IFT20: variants seen among roughly 807,000 people sequenced by gnomAD.
IFT20 encodes intraflagellar transport 20, also known as intraflagellar transport protein 20 homolog.
In IFT20, 4 loss-of-function variants were observed where a neutral mutation model predicts 16.9. That is an observed-to-expected ratio of 0.24 (90% CI 0.12 to 0.54). IFT20 has a LOEUF of 0.54. IFT20 is among the 20% of genes least tolerant of loss of function. The probability of loss-of-function intolerance (pLI) is 0.95; values close to 1 mark genes in which losing one functional copy is unlikely to be tolerated. For synonymous variants in IFT20, 48 were observed against 49.9 expected (o/e 0.96, Z 0.16); for missense variants, 154 against 149.7 (o/e 1.03, Z -0.15).
intron 3 of IFT20, chr17:28,330,024 CACTCCAGCCTGGGCAACGAGAGAAA>C (rs1906638224): frequency 2.0e-6 from 1 of 492,264 alleles, no homozygotes. Flanking sequence ...CGCACCATTG[CACTCCAGCCTGGGCAACGAGAGAAA>C]ACTCCGTCTC....
chr17:28,332,221 T>C, intron 1 of IFT20: 1 of 1,536,114 alleles, frequency 6.5e-7, no homozygotes, highest in Non-Finnish European at 8.7e-7. Context: ...AGGTGTGTCA[T>C]AGGAGCAAGG....
At chr17:28,333,585 A>G (rs1375449698) in intron 1 of IFT20, among the ~76,000 whole-genome samples, 3 of 152,240 alleles carry the variant, frequency 2.0e-5, no homozygotes, top group Non-Finnish European at 4.4e-5. Flanking sequence ...GTGAGCTAGC[A>G]TCATCCTTTT....
In IFT20 at chr17:28,330,248, AAAAT is replaced by A. The variant is rs782818796; in HGVS notation, c.213+191_213+194del. On this transcript the variant is annotated intron_variant, in intron 3 of 4. Transcript: ENST00000395418. ...AAGACTCTGTCTCAAAAAAAAAAAA[AAAAT>A]AAAGATTAAAGGAAATAAAGATTGG... 959 of 617,558 alleles carry A rather than the reference AAAAT, an allele frequency of 1.6e-3. 5 individuals are homozygous for A. The African/African-American group carries it at 0.016, about 11-fold the overall frequency. The allele number at this position is 617,558 out of a possible 1,614,324, so 38.3% of individuals were successfully genotyped here.
intron 3 of IFT20, 21 bp downstream of exon 3, chr17:28,330,422 C>T (rs557207176): frequency 5.5e-5 from 87 of 1,568,248 alleles, no homozygotes; most frequent in Non-Finnish European, 6.7e-5. Context: ...AAGATGTAGG[C>T]GGAAGACATG....
Position 28,331,849 on chromosome 17 carries a change from C to T in IFT20, c.127+10G>A, listed in dbSNP as rs1555576581. On this transcript the variant is annotated intron_variant, in intron 2 of 4. Coordinates refer to ENST00000395418, the MANE Select transcript of IFT20 (RefSeq NM_001267776.2). ...AAAGCTGAGTGGCACTGTATCTCCCCAATACTCACTGTCCACAAAGTCTTT... is the reference window on the plus strand; with the variant it reads ...AAAGCTGAGTGGCACTGTATCTCCCTAATACTCACTGTCCACAAAGTCTTT... 13 of 1,614,168 alleles carry T rather than the reference C, an allele frequency of 8.1e-6. No homozygotes were observed. The highest frequency in any genetic ancestry group is 3.3e-5 in the Admixed American group (2 of 60,032).
Position 28,335,351 on chromosome 17 carries a change from G to C in IFT20, c.-14C>G, listed in dbSNP as rs980396453. On this transcript the variant is annotated 5_prime_UTR_variant, in exon 1 of 5. Coordinates refer to ENST00000395418, the MANE Select transcript of IFT20 (RefSeq NM_001267776.2). ...CGAGGTCAGCCTACCTGCCGGCCCC[G>C]CGGCGGCAGCGCGCTGCAGCCCAGG... 2 of 152,258 alleles carry C rather than the reference G, an allele frequency of 1.3e-5. No individual in the cohort carries two copies. The highest frequency in any genetic ancestry group is 1.3e-4 in the Admixed American group (2 of 15,280). 9.4% of individuals were successfully genotyped at this position (152,258 alleles called of 1,614,324 possible).
In IFT20 at chr17:28,331,775, A is replaced by G; in HGVS notation, c.127+84T>C. ...CAACCTCCAGGGAGCCAGCAGCTCC[A>G]CTGTGGCAGGGCCAAGATGAGCCTG... is the stretch of plus-strand genomic sequence containing the variant. On this transcript the variant is annotated intron_variant, in intron 2 of 4. Transcript: ENST00000395418. 1.3e-5 allele frequency: 21 copies of G among 1,560,414 alleles called. No homozygotes were observed. The South Asian group carries it at 2.3e-4, about 17-fold the overall frequency.
intron 3 of IFT20, chr17:28,330,059 C>CAAAA: frequency 9.9e-6 from 4 of 402,882 alleles, no homozygotes; most frequent in South Asian, 3.8e-5. Context: ...AACTCCGTCT[C>CAAAA]AAAAAAAAAA....
intron 3 of IFT20, chr17:28,329,796 T>C (rs949226393): frequency 2.8e-5 from 5 of 179,832 alleles, no homozygotes; most frequent in Non-Finnish European, 5.8e-5. Flanking sequence ...GCGCAGTCAC[T>C]CACGCCTTAA....
intron 2 of IFT20, among the ~76,000 whole-genome samples, chr17:28,330,900 T>C (rs1361892640): frequency 6.6e-6 from 1 of 152,120 alleles, no homozygotes; most frequent in African/African-American, 2.4e-5. Flanking sequence ...GGACCTTGCA[T>C]CCCCACTGAG....
rs778167334 is a variant in IFT20 at position 28,328,399 on chromosome 17, A to G, written c.*253T>C. 3 of 377,468 alleles carry G rather than the reference A, an allele frequency of 7.9e-6. No homozygotes were observed. The highest frequency in any genetic ancestry group is 1.4e-5 in the Non-Finnish European group (3 of 211,336). The allele number at this position is 377,468 out of a possible 1,614,324, so 23.4% of individuals were successfully genotyped here. A position where few individuals can be genotyped will look rare whatever the true frequency, so the allele number is the denominator to read the frequency against. On this transcript the variant is annotated 3_prime_UTR_variant, in exon 5 of 5. Coordinates refer to ENST00000395418, the MANE Select transcript of IFT20 (RefSeq NM_001267776.2). ...TTTACAAAAAAAAGGATGAAAGTTT[A>G]CAAACTGCTTAGTTCCAACTAAGCA...
rs1222422104 is a variant in IFT20 at position 28,335,427 on chromosome 17, CA to C, written c.-91del. 1 of 152,380 alleles carries C rather than the reference CA, an allele frequency of 6.6e-6. No individual in the cohort carries two copies. The highest frequency in any genetic ancestry group is 1.5e-5 in the Non-Finnish European group (1 of 68,144). 9.4% of individuals were successfully genotyped at this position (152,380 alleles called of 1,614,324 possible). On this transcript the variant is annotated 5_prime_UTR_variant, in exon 1 of 5. Coordinates refer to ENST00000395418, the MANE Select transcript of IFT20 (RefSeq NM_001267776.2). The stretch of plus-strand genomic sequence containing the variant: ...GGGTCAGCGACAGCCGGTACCCAGC[CA>C]GCCTGCCACGGCCGCTGCCACGGAT...
intron 1 of IFT20, 124 bp from the exon 2 acceptor site, chr17:28,332,111 C>T (rs781862285): frequency 1.9e-6 from 3 of 1,586,834 alleles, no homozygotes; most frequent in African/African-American, 1.3e-5. Context: ...CCAAAGGATC[C>T]CCGTTCCCTC....
chr17:28,332,743 G>T (rs1555576784), intron 1 of IFT20: 1 of 155,602 alleles, frequency 6.4e-6, no homozygotes, highest in East Asian at 1.9e-4. Flanking sequence ...AACACAAAAA[G>T]GAATGAAGTA....
At position 28,328,569 on chromosome 17, in the gene IFT20, C is replaced by T. The variant is rs529560028; in HGVS notation, c.*83G>A. ...TTGTGACATAGGTCATTGGTCAAGC[C>T]GCTGGAATGCTACAGAGGTTTTTTT... On this transcript the variant is annotated 3_prime_UTR_variant, in exon 5 of 5. Coordinates refer to ENST00000395418, the MANE Select transcript of IFT20 (RefSeq NM_001267776.2). 10 of 833,458 alleles carry T rather than the reference C, an allele frequency of 1.2e-5. No homozygotes were observed. Among genetic ancestry groups the T allele is most frequent in the African/African-American group, 6.9e-5 (4 of 57,936 alleles). The allele number at this position is 833,458 out of a possible 1,614,324, so 51.6% of individuals were successfully genotyped here. A position where few individuals can be genotyped will look rare whatever the true frequency, so the allele number is the denominator to read the frequency against.
chr17:28,328,964 C>G, intron 4 of IFT20: 2 of 616,704 alleles, frequency 3.2e-6, no homozygotes, highest in Non-Finnish European at 5.7e-6. Context: ...CATGCTCAAA[C>G]TACTAGAGGT....
At position 28,328,552 on chromosome 17, in the gene IFT20, T is replaced by C. The variant is rs187102473; in HGVS notation, c.*100A>G. 4.0e-5 allele frequency: 30 copies of C among 742,060 alleles called. No individual in the cohort carries two copies. The highest frequency in any genetic ancestry group is 2.4e-4 in the Middle Eastern group (1 of 4,136). The allele number at this position is 742,060 out of a possible 1,614,324, so 46.0% of individuals were successfully genotyped here. ...TCCTTACACGCCACCTCTTGTGACA[T>C]AGGTCATTGGTCAAGCCGCTGGAAT... On this transcript the variant is annotated 3_prime_UTR_variant, in exon 5 of 5. Transcript: ENST00000395418.
rs1555576369 is a variant in IFT20 at position 28,330,460 on chromosome 17, C to T, written c.196G>A (p.Glu66Lys). Residue 66 changes from glutamate (E) to lysine (K), a missense_variant, in exon 3 of 5, where the codon GAA becomes AAA. Glu to Lys is a moderately conservative substitution (Grantham distance 56). Coordinates refer to ENST00000395418, the MANE Select transcript of IFT20 (RefSeq NM_001267776.2). ...GATCTTACCTTCATCTTTTCATTTT[C>T]TGCTTCTTTTGCAAGTTGATCAACA... ...ELVDQLAKEA[E>K]NEKMKAIGAR... 3 of 1,613,588 alleles carry T rather than the reference C, an allele frequency of 1.9e-6. No homozygotes were observed. Among genetic ancestry groups the T allele is most frequent in the Non-Finnish European group, 2.5e-6 (3 of 1,179,492 alleles).
chr17:28,329,295 A>G lies in IFT20; in HGVS notation c.214-19T>C. ...CGATGGCCTACAGTATTGCCAGAGAAGGCCATGGCTTCATTAAAACCATCT... is the reference window on the plus strand; with the variant it reads ...CGATGGCCTACAGTATTGCCAGAGAGGGCCATGGCTTCATTAAAACCATCT... On this transcript the variant is annotated intron_variant, in intron 3 of 4. Transcript: ENST00000395418. 1 of 1,596,246 alleles carries G rather than the reference A, an allele frequency of 6.3e-7. No homozygotes were observed. The highest frequency in any genetic ancestry group is 1.1e-5 in the South Asian group (1 of 90,216).
Sources: allele counts gnomAD v4.1 joint callset (sites outside exome capture counted in the v4.1 genomes callset), GRCh38; gene constraint gnomAD v4.1.1; transcripts MANE v1.5; gene names NCBI Gene and HGNC (gene_info 2026-07-23, HGNC 2026-07-21).